The following CRISP3 variants were observed in gnomAD, a reference collection of about 807,000 sequenced individuals.
The protein encoded by CRISP3 is cysteine rich secretory protein 3, also known as cysteine-rich secretory protein 3.
A neutral mutation model predicts 36.1 loss-of-function variants in CRISP3; 33 were observed. The ratio of observed to expected loss-of-function variants is 0.91; its 90% CI spans 0.69 to 1.22. CRISP3 has a LOEUF of 1.22. Among genes scored for constraint, CRISP3 ranks in the 50% most tolerant of loss-of-function variants. CRISP3 has a pLI of 0.00. For missense variants in CRISP3, 330 were observed against 301.2 expected (o/e 1.10, Z -0.71); for synonymous variants, 117 against 104.6 (o/e 1.12, Z -0.72).
At chr6:49,731,726 T>C (rs1382187237) in intron 6 of CRISP3, among the ~76,000 whole-genome samples, 1 of 152,056 alleles carries the variant, frequency 6.6e-6, no homozygotes, top group Non-Finnish European at 1.5e-5. Flanking sequence ...TTCTACAATA[T>C]GAGGTAGGGT....
At chr6:49,731,947 A>G (rs1041937007) in intron 6 of CRISP3, among the ~76,000 whole-genome samples, 1 of 152,224 alleles carries the variant, frequency 6.6e-6, no homozygotes, top group African/African-American at 2.4e-5. Flanking sequence ...TTCATCTTAC[A>G]GTGACTAGCC....
chr6:49,737,374 A>C lies in CRISP3; in HGVS notation c.62T>G (p.Leu21Trp). 2 of 1,614,036 alleles carry C rather than the reference A, an allele frequency of 1.2e-6. No individual in the cohort carries two copies. The highest frequency in any genetic ancestry group is 1.7e-6 in the Non-Finnish European group (2 of 1,179,962). Reference sequence around the variant, plus strand: ...TGGAAGCAGCCCAGCAACCAGGAACAACAGCACTGGGAATAATGTCATTGC... The same window carrying C: ...TGGAAGCAGCCCAGCAACCAGGAACCACAGCACTGGGAATAATGTCATTGC... ...TTAMTLFPVL[L>W]FLVAGLLPSF... Residue 21 changes from leucine (L) to tryptophan (W), a missense_variant, in exon 2 of 8, where the codon TTG becomes TGG. Transcript: ENST00000263045.
At chr6:49,738,314 A>AT (rs1307432710) in intron 1 of CRISP3, among the ~76,000 whole-genome samples, 1 of 152,246 alleles carries the variant, frequency 6.6e-6, no homozygotes, top group Non-Finnish European at 1.5e-5. Flanking sequence ...ATAGGGAGAT[A>AT]TAATGTCTAA....
chr6:49,735,860 A>AT (rs1353664181), intron 3 of CRISP3, among the ~76,000 whole-genome samples: 1 of 151,872 alleles, frequency 6.6e-6, no homozygotes, highest in Non-Finnish European at 1.5e-5. Flanking sequence ...ACACCTAAAG[A>AT]TTTTTTGTAA....
intron 6 of CRISP3, among the ~76,000 whole-genome samples, chr6:49,731,522 A>G (rs535618998): frequency 6.6e-6 from 1 of 152,216 alleles, no homozygotes; most frequent in Non-Finnish European, 1.5e-5. Context: ...GTATATTTCA[A>G]TGTGGCAACA....
At chr6:49,733,612 C>A (rs775128075) in intron 5 of CRISP3, 91 bp downstream of exon 5, 2 of 1,356,642 alleles carry the variant, frequency 1.5e-6, no homozygotes, top group Admixed American at 2.3e-5. Context: ...GAAATTTTCC[C>A]CAAATTCAAC....
chr6:49,733,692 C>G lies in CRISP3; in HGVS notation c.462+11G>C. On this transcript the variant is annotated intron_variant, in intron 5 of 7. Coordinates refer to ENST00000263045, the MANE Select transcript of CRISP3 (RefSeq NM_006061.4). Reference sequence around the variant, plus strand: ...TTATAAAGGAGATGGTTTTTCATTTCTTCTCCTTACCTGTGTATAATGTCC... The same window carrying G: ...TTATAAAGGAGATGGTTTTTCATTTGTTCTCCTTACCTGTGTATAATGTCC... 6.3e-7 allele frequency: 1 copy of G among 1,589,798 alleles called. No individual in the cohort carries two copies. Among genetic ancestry groups the G allele is most frequent in the Non-Finnish European group, 8.6e-7 (1 of 1,168,028 alleles).
chr6:49,737,251 G>T, intron 2 of CRISP3, 74 bp downstream of exon 2: 4 of 1,168,116 alleles, frequency 3.4e-6, no homozygotes, highest in Non-Finnish European at 5.1e-6. Flanking sequence ...TTTCACTTTT[G>T]AAGATTGATC....
intron 1 of CRISP3, among the ~76,000 whole-genome samples, chr6:49,738,593 C>G (rs1331762829): frequency 6.6e-6 from 1 of 152,096 alleles, no homozygotes; most frequent in Non-Finnish European, 1.5e-5. Flanking sequence ...GGGACTGGGT[C>G]TCCCTTAGAC....
chr6:49,729,966 T>C (rs1768873684), intron 7 of CRISP3, among the ~76,000 whole-genome samples: 1 of 152,170 alleles, frequency 6.6e-6, no homozygotes, highest in Non-Finnish European at 1.5e-5. Context: ...ATTTCAAGCT[T>C]CTTAGAAAAC....
chr6:49,743,479 T>C (rs1769258111), intron 1 of CRISP3, among the ~76,000 whole-genome samples: 1 of 152,198 alleles, frequency 6.6e-6, no homozygotes, highest in Admixed American at 6.5e-5. Flanking sequence ...ACACCGGATC[T>C]TCTATGGCTA....
At chr6:49,729,302 C>T (rs1247274590) in intron 7 of CRISP3, among the ~76,000 whole-genome samples, 1 of 152,072 alleles carries the variant, frequency 6.6e-6, no homozygotes, top group Non-Finnish European at 1.5e-5. Flanking sequence ...TGTCTAAGGG[C>T]TACTTTATAG....
At chr6:49,731,986 C>T (rs116766338) in intron 6 of CRISP3, among the ~76,000 whole-genome samples, 1,680 of 152,202 alleles carry the variant, frequency 0.011, 20 homozygotes, top group African/African-American at 0.037. Flanking sequence ...ATTTTCCTAT[C>T]GGTAATTATC....
At chr6:49,731,102 AT>A in intron 7 of CRISP3, 60 bp downstream of exon 7, 1 of 1,252,888 alleles carries the variant, frequency 8.0e-7, no homozygotes. Flanking sequence ...AGATTTCCCA[AT>A]TCTTAGAAGA....
chr6:49,740,725 T>C (rs1769177621), intron 1 of CRISP3, among the ~76,000 whole-genome samples: 2 of 151,790 alleles, frequency 1.3e-5, no homozygotes, highest in South Asian at 4.2e-4. Context: ...GATTCCTCTT[T>C]ATTTGCAAAA....
intron 6 of CRISP3, among the ~76,000 whole-genome samples, chr6:49,732,520 T>C (rs1374226311): frequency 1.3e-5 from 2 of 152,138 alleles, no homozygotes; most frequent in Admixed American, 6.5e-5. Flanking sequence ...GTCAACTATA[T>C]TGCTTGAGAA....
chr6:49,728,094 T>C lies in CRISP3; in HGVS notation c.*636A>G, dbSNP rs1768812930. 6.6e-6 allele frequency: 1 copy of C among 152,150 alleles called. No individual in the cohort carries two copies. Among genetic ancestry groups the C allele is most frequent in the East Asian group, 1.9e-4 (1 of 5,196 alleles). 9.4% of individuals were successfully genotyped at this position (152,150 alleles called of 1,614,324 possible). On this transcript the variant is annotated 3_prime_UTR_variant, in exon 8 of 8. Transcript: ENST00000263045. ...GTCAAAGAGAAGAGAGGTTTAAAAATGAAGGTTTGATCATATTCTACTGTA... is the reference window on the plus strand; with the variant it reads ...GTCAAAGAGAAGAGAGGTTTAAAAACGAAGGTTTGATCATATTCTACTGTA...
At chr6:49,733,049 G>T in intron 6 of CRISP3, 146 bp downstream of exon 6, 1 of 499,412 alleles carries the variant, frequency 2.0e-6, no homozygotes, top group Non-Finnish European at 3.5e-6. Flanking sequence ...TTTCTGAGAA[G>T]TTGGTTGAAT....
chr6:49,740,575 A>G (rs372858462), intron 1 of CRISP3, among the ~76,000 whole-genome samples: 1 of 141,542 alleles, frequency 7.1e-6, no homozygotes, highest in East Asian at 2.1e-4. Flanking sequence ...GTGTATATGG[A>G]TGTGTGTGTG....
Sources: gnomAD v4.1 joint callset for allele counts (sites outside exome capture counted in the v4.1 genomes callset) on GRCh38, gnomAD v4.1.1 for gene constraint, MANE v1.5 for transcripts, NCBI Gene and HGNC (gene_info 2026-07-23, HGNC 2026-07-21) for gene names.